Variants in TIAM1 observed in about 807,000 individuals in gnomAD.
TIAM1 encodes TIAM Rac1 associated GEF 1, also known as rho guanine nucleotide exchange factor TIAM1.
A neutral mutation model predicts 163.5 loss-of-function variants in TIAM1; 65 were observed. That is an observed-to-expected ratio of 0.40 (90% CI 0.33 to 0.49). The LOEUF is 0.49. TIAM1 is among the 20% of genes least tolerant of loss of function. The pLI is 0.77. For missense variants in TIAM1, 1,789 were observed against 2,044.7 expected (o/e 0.87, Z 2.41); for synonymous variants, 833 against 810.1 (o/e 1.03, Z -0.48).
At chr21:31,553,409 T>C (rs1237166135) in intron 1 of TIAM1, among the ~76,000 whole-genome samples, 2 of 152,152 alleles carry the variant, frequency 1.3e-5, no homozygotes, top group African/African-American at 4.8e-5. Context: ...TTTACTCCAG[T>C]TGGTTGGGTG....
At chr21:31,489,561 A>C (rs931614901) in intron 1 of TIAM1, among the ~76,000 whole-genome samples, 13 of 52,568 alleles carry the variant, frequency 2.5e-4, no homozygotes, top group African/African-American at 1.2e-3. Context: ...GTGCTAAGGG[A>C]AAAGTGCAGA....
At chr21:31,450,224 T>C (rs910172951) in intron 2 of TIAM1, among the ~76,000 whole-genome samples, 8 of 152,078 alleles carry the variant, frequency 5.3e-5, no homozygotes, top group African/African-American at 1.7e-4. Context: ...ATCCTGCAAA[T>C]TACCTCTTTT....
chr21:31,243,192 C>CAAA (rs60242603), intron 6 of TIAM1, among the ~76,000 whole-genome samples: 84 of 100,934 alleles, frequency 8.3e-4, no homozygotes, highest in African/African-American at 2.7e-3. Flanking sequence ...AACTTCATCT[C>CAAA]AAAAAAAAAA....
intron 12 of TIAM1, among the ~76,000 whole-genome samples, chr21:31,201,445 T>C (rs1347095491): frequency 6.6e-6 from 1 of 152,164 alleles, no homozygotes; most frequent in Non-Finnish European, 1.5e-5. Flanking sequence ...CTCTTACATT[T>C]CCTTAAAAGC....
chr21:31,407,206 TC>T (rs1395239534), intron 2 of TIAM1, among the ~76,000 whole-genome samples: 1 of 152,194 alleles, frequency 6.6e-6, no homozygotes, highest in African/African-American at 2.4e-5. Flanking sequence ...ATAAAACGAT[TC>T]CAAACCTCTA....
intron 2 of TIAM1, among the ~76,000 whole-genome samples, chr21:31,378,185 G>A (rs2076721199): frequency 1.4e-5 from 2 of 139,944 alleles, no homozygotes; most frequent in Non-Finnish European, 1.6e-5. Flanking sequence ...GAGAGAGAAT[G>A]ACATAAATAA....
chr21:31,143,044 T>C (rs1457143224), intron 20 of TIAM1, among the ~76,000 whole-genome samples: 3 of 152,166 alleles, frequency 2.0e-5, no homozygotes, highest in African/African-American at 7.2e-5. Flanking sequence ...ACGCTGCCTC[T>C]GGGCTGGTGA....
At position 31,541,040 on chromosome 21, in the gene TIAM1, T is replaced by A. The variant is rs185911822; in HGVS notation, c.-422+17887A>T. On this transcript the variant is annotated intron_variant, in intron 1 of 28. Transcript: ENST00000286827. ...AAGCTTCTGGAAGGCAGTTTGGCAA[T>A]TCAAATCAAGAGCTATTTTTTACAG... is the stretch of plus-strand genomic sequence containing the variant. Among the ~76,000 whole-genome samples the A allele has an allele frequency of 2.4e-3, 358 of 152,310 alleles. 4 individuals are homozygous for A. The highest frequency in any genetic ancestry group is 7.9e-3 in the African/African-American group (329 of 41,562).
upstream of TIAM1, among the ~76,000 whole-genome samples, chr21:31,347,245 G>A (rs2076163220): frequency 6.6e-6 from 1 of 152,168 alleles, no homozygotes; most frequent in South Asian, 2.1e-4. Flanking sequence ...GGTTTTCACA[G>A]ATCTGAACAG....
intron 2 of TIAM1, among the ~76,000 whole-genome samples, chr21:31,327,164 G>A (rs1384117856): frequency 6.6e-6 from 1 of 152,148 alleles, no homozygotes; most frequent in Admixed American, 6.5e-5. Context: ...AAGGCAAGGG[G>A]GCAACACAGA....
At chr21:31,282,715 G>C (rs1020271966) in intron 2 of TIAM1, among the ~76,000 whole-genome samples, 3 of 152,212 alleles carry the variant, frequency 2.0e-5, no homozygotes, top group African/African-American at 7.2e-5. Context: ...CCGAACAGAT[G>C]AATGAGCCAT....
intron 2 of TIAM1, among the ~76,000 whole-genome samples, chr21:31,295,427 G>A (rs532002447): frequency 2.4e-4 from 31 of 130,244 alleles, no homozygotes; most frequent in South Asian, 5.1e-4. Flanking sequence ...CCGAGATCAC[G>A]CCACTGCATT....
chr21:31,429,873 CA>C (rs1382536750), intron 2 of TIAM1, among the ~76,000 whole-genome samples: 1 of 152,146 alleles, frequency 6.6e-6, no homozygotes, highest in Non-Finnish European at 1.5e-5. Context: ...CAGCCAGAGG[CA>C]GAGACAACAG....
chr21:31,140,383 G>A (rs1371353526), intron 22 of TIAM1, among the ~76,000 whole-genome samples: 3 of 152,122 alleles, frequency 2.0e-5, no homozygotes, highest in Non-Finnish European at 2.9e-5. Context: ...AGGCATTGAC[G>A]AATGTTACTA....
chr21:31,523,245 C>T (rs572063544), intron 1 of TIAM1, among the ~76,000 whole-genome samples: 2 of 152,298 alleles, frequency 1.3e-5, no homozygotes, highest in Admixed American at 1.3e-4. Context: ...TGAAATTTTA[C>T]TGGGTGCAAT....
At chr21:31,197,698 A>G (rs944155893) in intron 12 of TIAM1, among the ~76,000 whole-genome samples, 3 of 152,168 alleles carry the variant, frequency 2.0e-5, no homozygotes, top group Non-Finnish European at 2.9e-5. Context: ...GTCAAGATCT[A>G]TCATCAAGAC....
chr21:31,234,252 T>C (rs1007618422), intron 6 of TIAM1, among the ~76,000 whole-genome samples: 1 of 145,064 alleles, frequency 6.9e-6, no homozygotes, highest in Admixed American at 7.0e-5. Flanking sequence ...TCTAAAACTA[T>C]AAACAAGTGA....
intron 2 of TIAM1, among the ~76,000 whole-genome samples, chr21:31,387,502 C>T (rs1398772857): frequency 4.0e-5 from 6 of 151,780 alleles, no homozygotes; most frequent in Admixed American, 2.0e-4. Flanking sequence ...CATGAGCCAC[C>T]GAGCCTGGCC....
chr21:31,121,028 ACTTAGAGGATGTTCTAG>A (rs1306011667), intron 27 of TIAM1, among the ~76,000 whole-genome samples, 191 bp from the exon 28 acceptor site: 1 of 152,100 alleles, frequency 6.6e-6, no homozygotes, highest in African/African-American at 2.4e-5. Context: ...AGGTATCTGG[ACTTAGAGGATGTTCTAG>A]CAACTGATGC....
Sources: gnomAD v4.1 joint callset for allele counts (sites outside exome capture counted in the v4.1 genomes callset) on GRCh38, gnomAD v4.1.1 for gene constraint, MANE v1.5 for transcripts, NCBI Gene and HGNC (gene_info 2026-07-23, HGNC 2026-07-21) for gene names.